The following SLC44A5 variants were observed in gnomAD, a reference collection of about 807,000 sequenced individuals.
SLC44A5 encodes the protein solute carrier family 44 member 5, also known as choline transporter-like protein 5.
Under a neutral mutation model 101.8 loss-of-function variants are expected in SLC44A5, and 57 were observed. The observed-to-expected ratio is 0.56, with a 90% CI of 0.45 to 0.70. SLC44A5 has a LOEUF of 0.70. SLC44A5 is among the 30% of genes least tolerant of loss of function. The pLI is 0.00. For missense variants in SLC44A5, 737 were observed against 853.1 expected, an observed-to-expected ratio of 0.86 and a Z score of 1.70; for synonymous variants, 281 against 290.9, an observed-to-expected ratio of 0.97 and a Z score of 0.35.
the SLC44A5 span, among the ~76,000 whole-genome samples, chr1:75,643,220 A>C: frequency 6.6e-6 from 1 of 152,126 alleles, no homozygotes; most frequent in African/African-American, 2.4e-5. Context: ...TTTAAATATC[A>C]TATTTGTCTG....
At chr1:75,715,278 G>A in the SLC44A5 span, among the ~76,000 whole-genome samples, 2 of 151,252 alleles carry the variant, frequency 1.3e-5, no homozygotes. Context: ...ATTCTTCACA[G>A]AGTTTAAAAA....
At chr1:75,318,431 G>T (rs776561490) in intron 4 of SLC44A5, among the ~76,000 whole-genome samples, 20 of 135,588 alleles carry the variant, frequency 1.5e-4, no homozygotes, top group Admixed American at 3.0e-4. Flanking sequence ...AAGAAAGAAA[G>T]AAATCTGCTG....
In SLC44A5 at chr1:75,536,778, G is replaced by A. The variant is rs536412988; in HGVS notation, c.13+4657C>T. On this transcript the variant is annotated intron_variant, in intron 2 of 23. Coordinates refer to ENST00000370859, the MANE Select transcript of SLC44A5 (RefSeq NM_001130058.2). ...TCCCAGCACTTTGGGAGGCCGAGGC[G>A]GGCGGATCACGAGGTCAGGAGATCG... 5.7e-3 allele frequency among the ~76,000 whole-genome samples: 839 copies of A among 146,364 alleles called. 14 individuals are homozygous for A. Among genetic ancestry groups the A allele is most frequent in the Admixed American group, 0.035 (509 of 14,684 alleles).
At chr1:75,274,324 T>C (rs369923076) in intron 6 of SLC44A5, among the ~76,000 whole-genome samples, 2 of 152,168 alleles carry the variant, frequency 1.3e-5, no homozygotes, top group East Asian at 3.9e-4. Context: ...ATGAGATTTA[T>C]GGGGGGCTGC....
chr1:75,576,620 A>G (rs1673385141), intron 1 of SLC44A5, among the ~76,000 whole-genome samples: 1 of 152,088 alleles, frequency 6.6e-6, no homozygotes. Context: ...CACCTGGCCT[A>G]AATGTTCCTT....
chr1:75,218,052 G>T, intron 17 of SLC44A5, 92 bp from the exon 18 acceptor site: 1 of 826,152 alleles, frequency 1.2e-6, no homozygotes, highest in Non-Finnish European at 2.0e-6. Flanking sequence ...AAAGGTATCT[G>T]CAGAAGGATT....
At chr1:75,516,020 A>G (rs572539128) in intron 2 of SLC44A5, among the ~76,000 whole-genome samples, 7 of 152,332 alleles carry the variant, frequency 4.6e-5, no homozygotes, top group African/African-American at 1.7e-4. Flanking sequence ...AGTATTAAAA[A>G]AACTTTTTAA....
intron 2 of SLC44A5, among the ~76,000 whole-genome samples, chr1:75,537,209 T>G (rs1023333654): frequency 1.3e-5 from 2 of 152,016 alleles, no homozygotes; most frequent in Non-Finnish European, 2.9e-5. Context: ...ATCATCTAGT[T>G]GAACAATTCA....
Position 75,381,017 on chromosome 1 carries a change from A to G in SLC44A5, c.52+15566T>C. On this transcript the variant is annotated intron_variant, in intron 3 of 23. Coordinates refer to ENST00000370859, the MANE Select transcript of SLC44A5 (RefSeq NM_001130058.2). ...GTCAGTCCCATCAGTAGATTCACTT[A>G]TCACATGGTAAGCGGGATGTCACTC... is the stretch of plus-strand genomic sequence containing the variant. 2.4e-5 allele frequency among the ~76,000 whole-genome samples: 2 copies of G among 82,362 alleles called. 1 individual carries two copies. Among genetic ancestry groups the G allele is most frequent in the Non-Finnish European group, 4.2e-5 (2 of 47,908 alleles). The allele number at this position is 82,362 out of a possible 152,430, so 54.0% of individuals were successfully genotyped here. A position where few individuals can be genotyped will look rare whatever the true frequency, so the allele number is the denominator to read the frequency against.
At chr1:75,363,675 C>T (rs1196599544) in intron 3 of SLC44A5, among the ~76,000 whole-genome samples, 3 of 152,000 alleles carry the variant, frequency 2.0e-5, no homozygotes, top group African/African-American at 7.2e-5. Flanking sequence ...TTGTGTTTTA[C>T]CTCTCATATT....
intron 2 of SLC44A5, among the ~76,000 whole-genome samples, chr1:75,530,800 C>G (rs1486879746): frequency 3.3e-5 from 5 of 152,092 alleles, no homozygotes; most frequent in African/African-American, 1.2e-4. Context: ...TTTTCCATAC[C>G]TGACAGAGCC....
chr1:75,632,751 A>T, the SLC44A5 span, among the ~76,000 whole-genome samples: 1 of 152,180 alleles, frequency 6.6e-6, no homozygotes, highest in Non-Finnish European at 1.5e-5. Flanking sequence ...CAAATTGCTT[A>T]TGTTCATAAG....
chr1:75,336,301 G>A lies in SLC44A5; in HGVS notation c.101+3281C>T, dbSNP rs114048667. Among the ~76,000 whole-genome samples, 1,129 of 151,940 alleles carry A rather than the reference G, an allele frequency of 7.4e-3. 20 individuals carry two copies. Among genetic ancestry groups the A allele is most frequent in the African/African-American group, 0.023 (970 of 41,426 alleles). On this transcript the variant is annotated intron_variant, in intron 4 of 23. Transcript: ENST00000370859. ...CTCCTGAATGTGAGATTAAAGGCAC[G>A]CACCACCACACCCGGCTACTTTTGA... is the stretch of plus-strand genomic sequence containing the variant.
chr1:75,633,564 T>A, the SLC44A5 span, among the ~76,000 whole-genome samples: 6 of 152,178 alleles, frequency 3.9e-5, no homozygotes, highest in Non-Finnish European at 8.8e-5. Context: ...TTTTGCACAT[T>A]GATTTTGTAT....
intron 3 of SLC44A5, among the ~76,000 whole-genome samples, chr1:75,351,490 A>C (rs1335541031): frequency 6.6e-6 from 1 of 152,178 alleles, no homozygotes; most frequent in African/African-American, 2.4e-5. Context: ...AGGATTTATT[A>C]AGCAGTGCAC....
chr1:75,683,060 C>T, the SLC44A5 span, among the ~76,000 whole-genome samples: 3 of 152,000 alleles, frequency 2.0e-5, no homozygotes, highest in Admixed American at 6.6e-5. Flanking sequence ...AATGAGATAC[C>T]ATCTCACACC....
intron 5 of SLC44A5, among the ~76,000 whole-genome samples, chr1:75,296,366 CT>C (rs200894510): frequency 0.076 from 10,909 of 144,448 alleles, 1,051 homozygotes; most frequent in African/African-American, 0.23. Context: ...GTTTTTTTTT[CT>C]TTTTTTTTTT....
chr1:75,585,530 G>A (rs1244677302), intron 1 of SLC44A5, among the ~76,000 whole-genome samples: 1 of 152,108 alleles, frequency 6.6e-6, no homozygotes, highest in African/African-American at 2.4e-5. Context: ...GTAGGTCTGA[G>A]GCAAGACCTG....
intron 6 of SLC44A5, among the ~76,000 whole-genome samples, chr1:75,267,797 C>A (rs544326110): frequency 6.6e-6 from 1 of 152,046 alleles, no homozygotes; most frequent in African/African-American, 2.4e-5. Context: ...TCTTGAACTT[C>A]TGGGCTCAAG....
Sources: gnomAD v4.1 joint callset for allele counts (sites outside exome capture counted in the v4.1 genomes callset) on GRCh38, gnomAD v4.1.1 for gene constraint, MANE v1.5 for transcripts, NCBI Gene and HGNC (gene_info 2026-07-23, HGNC 2026-07-21) for gene names.